The following CNTNAP5 variants were observed in gnomAD, a reference collection of about 807,000 sequenced individuals.
CNTNAP5 encodes the protein contactin associated protein family member 5.
A neutral mutation model predicts 150.2 loss-of-function variants in CNTNAP5; 72 were observed. That is an observed-to-expected ratio of 0.48 (90% CI 0.40 to 0.58). The LOEUF is 0.58. Ranked by LOEUF, CNTNAP5 falls within the 20% of genes least tolerant of loss-of-function variation. The pLI is 0.00. For synonymous variants in CNTNAP5, 672 were observed against 619.8 expected (o/e 1.08, Z -1.25); for missense variants, 1,636 against 1,626.2 (o/e 1.01, Z -0.10).
chr2:124,560,014 T>C lies in CNTNAP5; in HGVS notation c.1650-3203T>C, dbSNP rs867924422. 6.6e-5 allele frequency among the ~76,000 whole-genome samples: 10 copies of C among 152,180 alleles called. No individual in the cohort carries two copies. The South Asian group carries it at 1.7e-3, about 25-fold the overall frequency. On this transcript the variant is annotated intron_variant, in intron 10 of 23. Transcript: ENST00000682447. ...CATCATTGGCTTTTCTGAGTGACCA[T>C]AGACAAATGAGTTTCTAGTAAGTTA...
At chr2:124,535,566 A>G (rs1188783003) in intron 10 of CNTNAP5, among the ~76,000 whole-genome samples, 1 of 149,284 alleles carries the variant, frequency 6.7e-6, no homozygotes, top group Non-Finnish European at 1.5e-5. Flanking sequence ...CATCGAGACC[A>G]TCCTGGCCAA....
chr2:124,871,188 C>T (rs1418727915), intron 21 of CNTNAP5, among the ~76,000 whole-genome samples: 1 of 151,866 alleles, frequency 6.6e-6, no homozygotes. Context: ...CTATCTTCTG[C>T]CAGGCTTTAT....
intron 4 of CNTNAP5, among the ~76,000 whole-genome samples, chr2:124,418,992 G>A (rs1692002846): frequency 6.7e-6 from 1 of 149,006 alleles, no homozygotes; most frequent in Non-Finnish European, 1.5e-5. Flanking sequence ...AAATTAGCCG[G>A]GCGCGGTGGC....
At chr2:124,575,153 T>C (rs1377117759) in intron 11 of CNTNAP5, among the ~76,000 whole-genome samples, 1 of 152,176 alleles carries the variant, frequency 6.6e-6, no homozygotes, top group Non-Finnish European at 1.5e-5. Flanking sequence ...AATGGTTTAA[T>C]ATGGAGAGCC....
intron 13 of CNTNAP5, among the ~76,000 whole-genome samples, chr2:124,671,485 GT>G (rs779723998): frequency 2.0e-5 from 3 of 152,116 alleles, no homozygotes; most frequent in Non-Finnish European, 4.4e-5. Context: ...AGGAAAAAAT[GT>G]AATAATGTAA....
chr2:124,164,670 G>A (rs1684768708), intron 1 of CNTNAP5, among the ~76,000 whole-genome samples: 3 of 152,154 alleles, frequency 2.0e-5, no homozygotes, highest in Non-Finnish European at 2.9e-5. Context: ...GGAAGAGAAA[G>A]GCAGAAAGGG....
intron 7 of CNTNAP5, among the ~76,000 whole-genome samples, chr2:124,477,337 AG>A (rs1558919540): frequency 6.6e-6 from 1 of 152,036 alleles, no homozygotes; most frequent in East Asian, 1.9e-4. Flanking sequence ...TTGTGTTTTG[AG>A]GTATCATATT....
chr2:124,195,581 A>C (rs1685562887), intron 1 of CNTNAP5, among the ~76,000 whole-genome samples: 1 of 152,162 alleles, frequency 6.6e-6, no homozygotes, highest in Non-Finnish European at 1.5e-5. Flanking sequence ...TAGTTTGTCC[A>C]TTCCTGTATA....
intron 19 of CNTNAP5, among the ~76,000 whole-genome samples, chr2:124,818,583 T>C (rs1187485123): frequency 6.6e-6 from 1 of 152,122 alleles, no homozygotes; most frequent in African/African-American, 2.4e-5. Context: ...CCTTCACTTA[T>C]AGCTTCAAGA....
Position 124,063,151 on chromosome 2 carries a change from C to T in CNTNAP5, c.82+37419C>T, listed in dbSNP as rs75476419. Among the ~76,000 whole-genome samples, 1,144 of 152,010 alleles carry T rather than the reference C, an allele frequency of 7.5e-3. 3 individuals are homozygous for T. Among genetic ancestry groups the T allele is most frequent in the Non-Finnish European group, 0.011 (768 of 67,964 alleles). On this transcript the variant is annotated intron_variant, in intron 1 of 23. Transcript: ENST00000682447. ...ATCTGTTTTGTTTTTTAATTCCCCACCGAAACGGAAAAACTAATACAGCCA... is the reference window on the plus strand; with the variant it reads ...ATCTGTTTTGTTTTTTAATTCCCCATCGAAACGGAAAAACTAATACAGCCA...
intron 2 of CNTNAP5, among the ~76,000 whole-genome samples, chr2:124,241,537 C>T (rs1429560212): frequency 9.2e-5 from 14 of 152,170 alleles, no homozygotes. Flanking sequence ...TGTGTACCTG[C>T]TGTTTACCTC....
At chr2:124,283,382 G>A (rs1688064605) in intron 3 of CNTNAP5, among the ~76,000 whole-genome samples, 2 of 152,218 alleles carry the variant, frequency 1.3e-5, no homozygotes, top group African/African-American at 2.4e-5. Flanking sequence ...CAGGGGCAAA[G>A]AGGTGAGCTA....
intron 13 of CNTNAP5, among the ~76,000 whole-genome samples, chr2:124,705,397 A>G (rs111431843): frequency 1.1e-3 from 173 of 152,178 alleles, no homozygotes; most frequent in African/African-American, 4.0e-3. Context: ...GTGTGGTGGC[A>G]TGTGCCTGTA....
rs555513297 is a variant in CNTNAP5, at chr2:124,849,220, T to G, written c.3218-16086T>G. ...TATCTATCTTTTCCAACACCATTTA[T>G]TAAAGAGGTTGTCCTTTTTTACATT... On this transcript the variant is annotated intron_variant, in intron 19 of 23. Transcript: ENST00000682447. 2.6e-5 allele frequency among the ~76,000 whole-genome samples: 4 copies of G among 152,324 alleles called. No homozygotes were observed. In the East Asian group the frequency reaches 7.7e-4, roughly 29 times the overall value.
intron 11 of CNTNAP5, among the ~76,000 whole-genome samples, chr2:124,587,220 C>T (rs1414304407): frequency 6.6e-6 from 1 of 152,160 alleles, no homozygotes; most frequent in Non-Finnish European, 1.5e-5. Flanking sequence ...TCATCTGTTC[C>T]ATGACCATCT....
At chr2:124,335,865 A>G (rs1001768851) in intron 3 of CNTNAP5, among the ~76,000 whole-genome samples, 10 of 152,004 alleles carry the variant, frequency 6.6e-5, no homozygotes, top group African/African-American at 1.7e-4. Context: ...AAACAAAACA[A>G]AACACCTTCT....
chr2:124,836,568 G>A (rs866909790), intron 19 of CNTNAP5, among the ~76,000 whole-genome samples: 24 of 151,956 alleles, frequency 1.6e-4, no homozygotes, highest in Non-Finnish European at 3.1e-4. Flanking sequence ...CCTCCTGCCC[G>A]TCCTCAAGAA....
chr2:124,283,123 A>G (rs2104625175), intron 3 of CNTNAP5, among the ~76,000 whole-genome samples: 1 of 151,152 alleles, frequency 6.6e-6, no homozygotes, highest in Non-Finnish European at 1.5e-5. Flanking sequence ...TCTTTTTTCC[A>G]CTGTATGAAT....
At chr2:124,839,165 G>A (rs1682891077) in intron 19 of CNTNAP5, among the ~76,000 whole-genome samples, 1 of 152,070 alleles carries the variant, frequency 6.6e-6, no homozygotes, top group Admixed American at 6.6e-5. Context: ...CCAGTAGAGT[G>A]TATGGTTTGT....
Sources: allele counts gnomAD v4.1 joint callset (sites outside exome capture counted in the v4.1 genomes callset), GRCh38; gene constraint gnomAD v4.1.1; transcripts MANE v1.5; gene names NCBI Gene and HGNC (gene_info 2026-07-23, HGNC 2026-07-21).